The following SRRM2 variants were observed in gnomAD, a reference collection of about 807,000 sequenced individuals.
SRRM2 encodes serine/arginine repetitive matrix 2.
A neutral mutation model predicts 213.8 loss-of-function variants in SRRM2; 30 were observed. That is an observed-to-expected ratio of 0.14 (90% CI 0.10 to 0.19). The LOEUF (loss-of-function observed/expected upper bound fraction) is 0.19. Among genes scored for constraint, SRRM2 ranks in the 10% least tolerant of loss-of-function variants. The pLI, the probability that SRRM2 is intolerant of heterozygous loss-of-function variation, is 1.00. For missense variants in SRRM2, 4,904 were observed against 3,647.0 expected (o/e 1.34, Z -8.88); for synonymous variants, 2,025 against 1,377.7 (o/e 1.47, Z -10.40).
intron 1 of SRRM2, among the ~76,000 whole-genome samples, chr16:2,755,508 G>T (rs1408113149): frequency 7.9e-5 from 12 of 152,188 alleles, no homozygotes; most frequent in Non-Finnish European, 5.9e-5. Flanking sequence ...TTGAAAACAG[G>T]TAATATTTGA....
In SRRM2 at chr16:2,771,297, T is replaced by TGAGGTTGTGAACCCCTCCCCC; in HGVS notation, c.*431_*451dup. ...ATTAGTTGGTCCCTACTGTCCCCCA[T>TGAGGTTGTGAACCCCTCCCCC]GAGGTTGTGAACCCCTCCCCCCAAC... On this transcript the variant is annotated 3_prime_UTR_variant, in exon 15 of 15. Transcript: ENST00000301740. 1 of 989,962 alleles carries TGAGGTTGTGAACCCCTCCCCC rather than the reference T, an allele frequency of 1.0e-6. No individual in the cohort carries two copies. The highest frequency in any genetic ancestry group is 1.6e-6 in the Non-Finnish European group (1 of 631,388). The allele number at this position is 989,962 out of a possible 1,614,324, so 61.3% of individuals were successfully genotyped here.
chr16:2,752,806 C>G lies in SRRM2; in HGVS notation c.-72C>G, dbSNP rs968588376. ...TCGGGAGCTCGAGCAGCGGCGGCGG[C>G]AAGACCTCTCCCCCTCGGAGGCGGC... On this transcript the variant is annotated 5_prime_UTR_variant, in exon 1 of 15. Transcript: ENST00000301740. 33 of 339,424 alleles carry G rather than the reference C, an allele frequency of 9.7e-5. 1 individual carries two copies. Among genetic ancestry groups the G allele is most frequent in the Non-Finnish European group, 1.2e-5 (2 of 167,404 alleles). The allele number at this position is 339,424 out of a possible 1,614,324, so 21.0% of individuals were successfully genotyped here.
intron 10 of SRRM2, chr16:2,760,830 G>T (rs992592085): frequency 8.5e-6 from 2 of 236,282 alleles, no homozygotes; most frequent in Non-Finnish European, 1.7e-5. Context: ...TTAAATGCTG[G>T]TCATGTCTCA....
At position 2,764,257 on chromosome 16, in the gene SRRM2, G is replaced by C. The variant is rs1189748477; in HGVS notation, c.3729G>C (p.Glu1243Asp). 6.2e-7 allele frequency: 1 copy of C among 1,614,022 alleles called. No homozygotes were observed. Among genetic ancestry groups the C allele is most frequent in the Non-Finnish European group, 8.5e-7 (1 of 1,179,986 alleles). ...SQDEELMEVV[E>D]KSEEPAGQIL... is the part of the protein sequence containing the mutation. The stretch of plus-strand genomic sequence containing the variant: ...ATGAAGAGTTAATGGAGGTGGTAGA[G>C]AAGTCTGAAGAACCCGCAGGCCAAA... The change falls in exon 11 of 15, where the codon GAG becomes GAC. Residue 1243 changes from glutamate (E) to aspartate (D), a missense_variant. Transcript: ENST00000301740.
At position 2,765,536 on chromosome 16, in the gene SRRM2, A is replaced by G; in HGVS notation, c.5008A>G (p.Arg1670Gly). The G allele has an allele frequency of 1.2e-6, 2 of 1,614,180 alleles. No homozygotes were observed. Among genetic ancestry groups the G allele is most frequent in the South Asian group, 2.2e-5 (2 of 91,072 alleles). ...TCCGCCCAAATCCAGAACTGCTCGC[A>G]GAGGTTCCAGGTCATCACCAGAGCC... ...EHPPKSRTAR[R>G]GSRSSPEPKT... Residue 1670 changes from arginine (R) to glycine (G), a missense_variant, in exon 11 of 15, where the codon AGA becomes GGA. Physicochemically the swap from Arg to Gly is moderately radical, Grantham distance 125. Transcript: ENST00000301740.
At chr16:2,755,426 A>G (rs973900882) in intron 1 of SRRM2, among the ~76,000 whole-genome samples, 2 of 152,172 alleles carry the variant, frequency 1.3e-5, no homozygotes, top group Non-Finnish European at 2.9e-5. Context: ...GATTTAGGGC[A>G]AGGTATATGG....
intron 12 of SRRM2, chr16:2,769,526 C>A: frequency 3.1e-6 from 2 of 637,266 alleles, no homozygotes; most frequent in East Asian, 2.8e-5. Context: ...CTCTCCCTCC[C>A]TCAACACATA....
Position 2,771,022 on chromosome 16 carries a change from T to A in SRRM2, c.*155T>A, listed in dbSNP as rs78617860. ...CTCCCTTTCCCTCCCCTTTTTTTTT[T>A]CTTTGTTCCTGTGAAATGTTAATCT... On this transcript the variant is annotated 3_prime_UTR_variant, in exon 15 of 15. Coordinates refer to ENST00000301740, the MANE Select transcript of SRRM2 (RefSeq NM_016333.4). 5.9e-6 allele frequency: 5 copies of A among 842,454 alleles called. No individual in the cohort carries two copies. Among genetic ancestry groups the A allele is most frequent in the Non-Finnish European group, 9.0e-6 (5 of 555,386 alleles). The allele number at this position is 842,454 out of a possible 1,614,324, so 52.2% of individuals were successfully genotyped here.
chr16:2,762,224 T>A lies in SRRM2; in HGVS notation c.1696T>A (p.Ser566Thr). 1.2e-6 allele frequency: 2 copies of A among 1,612,646 alleles called. No homozygotes were observed. The highest frequency in any genetic ancestry group is 1.1e-5 in the South Asian group (1 of 91,038). ...SARRGRSHSR[S>T]PATRGRSRSR... The stretch of plus-strand genomic sequence containing the variant: ...AAGGCGAGGGAGGTCCCACTCTAGA[T>A]CCCCAGCCACTAGGGGTAGATCTCG... The change falls in exon 11 of 15, where the codon TCC (serine) becomes ACC (threonine). Residue 566 changes from serine to threonine, a missense_variant. Ser to Thr is a moderately conservative substitution (Grantham distance 58). Coordinates refer to ENST00000301740, the MANE Select transcript of SRRM2 (RefSeq NM_016333.4).
rs767294895 is a variant in SRRM2 at position 2,761,658 on chromosome 16, C to T, written c.1130C>T (p.Ser377Phe). ...CTCCTTGCTGAGCGACATGGCGGCT[C>T]CCCACAACCCCTTGCAACCACCCCC... is the stretch of plus-strand genomic sequence containing the variant. Reference protein sequence around the residue: ...TPLLAERHGGSPQPLATTPLS... With the variant: ...TPLLAERHGGFPQPLATTPLS... Residue 377 changes from serine (S) to phenylalanine (F), a missense_variant, in exon 11 of 15, where the codon TCC becomes TTC. By Grantham distance (155) the Ser-to-Phe change is radical. Coordinates refer to ENST00000301740, the MANE Select transcript of SRRM2 (RefSeq NM_016333.4). 3.1e-6 allele frequency: 5 copies of T among 1,588,674 alleles called. No homozygotes were observed. The Admixed American group carries it at 5.4e-5, about 17-fold the overall frequency.
chr16:2,765,351 C>T lies in SRRM2; in HGVS notation c.4823C>T (p.Pro1608Leu), dbSNP rs779815080. The T allele has an allele frequency of 3.7e-6, 6 of 1,614,148 alleles. No individual in the cohort carries two copies. Among genetic ancestry groups the T allele is most frequent in the Middle Eastern group, 1.6e-4 (1 of 6,062 alleles). The part of the protein sequence containing the change: ...SGSSPEVKDK[P>L]RAAPRAQSGS... ...TCCTCCCCTGAAGTGAAAGATAAGC[C>T]AAGAGCAGCACCCAGGGCACAGAGT... Residue 1608 changes from proline to leucine, a missense_variant, in exon 11 of 15, where the codon CCA becomes CTA. Physicochemically the swap from Pro to Leu is moderately conservative, Grantham distance 98. Transcript: ENST00000301740.
intron 1 of SRRM2, among the ~76,000 whole-genome samples, chr16:2,755,032 T>C (rs1360455084): frequency 1.3e-5 from 2 of 152,260 alleles, no homozygotes; most frequent in Non-Finnish European, 2.9e-5. Flanking sequence ...TCCAGTTCTT[T>C]TACATCTTTG....
chr16:2,761,683 C>T lies in SRRM2; in HGVS notation c.1155C>T (p.Pro385=). ...CCCCACAACCCCTTGCAACCACCCC[C>T]TTAAGCCAGGAGCCAGTGAACCCCC... ...GGSPQPLATT[P]LSQEPVNPPS... Residue 385 remains proline, a synonymous_variant, in exon 11 of 15, where the codon CCC becomes CCT. Coordinates refer to ENST00000301740, the MANE Select transcript of SRRM2 (RefSeq NM_016333.4). 2 of 1,602,840 alleles carry T rather than the reference C, an allele frequency of 1.2e-6. No individual in the cohort carries two copies. Among genetic ancestry groups the T allele is most frequent in the Non-Finnish European group, 1.7e-6 (2 of 1,174,440 alleles).
In SRRM2 at chr16:2,762,298, C is replaced by T. The variant is rs765420002; in HGVS notation, c.1770C>T (p.Ala590=). ...GCAGGTCCCGCTCTAGAACACCTGC[C>T]AGGCGGAGATCACGATCCAGAACTC... ...RRGRSRSRTP[A]RRRSRSRTPT... Residue 590 remains alanine (A), a synonymous_variant, in exon 11 of 15, where the codon GCC becomes GCT. Transcript: ENST00000301740. 3.1e-6 allele frequency: 5 copies of T among 1,613,982 alleles called. No homozygotes were observed. Among genetic ancestry groups the T allele is most frequent in the Non-Finnish European group, 4.2e-6 (5 of 1,179,954 alleles).
intron 6 of SRRM2, 37 bp downstream of exon 6, chr16:2,759,084 T>G: frequency 6.2e-7 from 1 of 1,614,188 alleles, no homozygotes; most frequent in Non-Finnish European, 8.5e-7. Context: ...TGGAGAAGGT[T>G]TGCTGAATTC....
In SRRM2 at chr16:2,758,458, A is replaced by G; in HGVS notation, c.516-12A>G. On this transcript the variant is annotated splice_polypyrimidine_tract_variant and intron_variant, in intron 4 of 14. Transcript: ENST00000301740. ...CTACCACCCATCTCTGCTGCTTTTC[A>G]TTTTTCCCTAGCCTTGTTCGGGAGT... The G allele has an allele frequency of 3.1e-6, 5 of 1,612,144 alleles. No homozygotes were observed. Among genetic ancestry groups the G allele is most frequent in the Non-Finnish European group, 4.2e-6 (5 of 1,178,232 alleles).
chr16:2,767,076 T>G lies in SRRM2; in HGVS notation c.6548T>G (p.Leu2183Arg). 2 of 1,614,188 alleles carry G rather than the reference T, an allele frequency of 1.2e-6. No individual in the cohort carries two copies. Reference sequence around the variant, plus strand: ...AATCATGCTCAGTCCAGGATTGCACTTGCCCTGACAGCTATCAGTCTTGGC... The same window carrying G: ...AATCATGCTCAGTCCAGGATTGCACGTGCCCTGACAGCTATCAGTCTTGGC... ...PENHAQSRIA[L>R]ALTAISLGTA... The change falls in exon 11 of 15, where the codon CTT becomes CGT. Residue 2183 changes from leucine (L) to arginine (R), a missense_variant. Transcript: ENST00000301740.
rs757194436 is a variant in SRRM2, at chr16:2,770,911, C to T, written c.*44C>T. 1.2e-6 allele frequency: 2 copies of T among 1,612,430 alleles called. No individual in the cohort carries two copies. Among genetic ancestry groups the T allele is most frequent in the East Asian group, 2.2e-5 (1 of 44,896 alleles). On this transcript the variant is annotated 3_prime_UTR_variant, in exon 15 of 15. Coordinates refer to ENST00000301740, the MANE Select transcript of SRRM2 (RefSeq NM_016333.4). ...CACCACACCCAATGCTCTGGAGCCA[C>T]AAGGAGTGTCCCTTCTTCCCCAGCA...
rs756652481 is a variant in SRRM2 at position 2,766,801 on chromosome 16, T to C, written c.6273T>C (p.Ala2091=). Residue 2091 remains alanine (A), a synonymous_variant, in exon 11 of 15, where the codon GCT becomes GCC. Transcript: ENST00000301740. The surrounding 1 kb of genome is among the most constrained non-coding windows in gnomAD (Gnocchi z 7.0). ...SGSSSDRSRS[A]TPPATRNHSG... ...GTAGTTCTGATCGTTCACGATCTGC[T>C]ACTCCTCCAGCAACAAGAAATCATT... is the stretch of plus-strand genomic sequence containing the variant. 1.1e-5 allele frequency: 17 copies of C among 1,614,060 alleles called. No individual in the cohort carries two copies. In the Admixed American group the frequency reaches 2.7e-4, roughly 25 times the overall value.
Sources: gnomAD v4.1 joint callset for allele counts (sites outside exome capture counted in the v4.1 genomes callset) on GRCh38, gnomAD v4.1.1 for gene constraint, Gnocchi (gnomAD v3.1) non-coding constraint, MANE v1.5 for transcripts, NCBI Gene and HGNC (gene_info 2026-07-23, HGNC 2026-07-21) for gene names.